The following SAMD4B variants were observed in gnomAD, a reference collection of about 807,000 sequenced individuals.
The protein encoded by SAMD4B is protein Smaug homolog 2.
A neutral mutation model predicts 74.5 loss-of-function variants in SAMD4B; 5 were observed. The observed-to-expected ratio is 0.07, with a 90% CI of 0.04 to 0.14. The LOEUF is 0.14. SAMD4B is among the 10% of genes least tolerant of loss of function. SAMD4B has a pLI of 1.00. For synonymous variants in SAMD4B, 373 were observed against 374.9 expected (o/e 1.00, Z 0.06); for missense variants, 608 against 921.8 (o/e 0.66, Z 4.41).
At chr19:39,357,115 A>T (rs746754960) in intron 3 of SAMD4B, 26 bp downstream of exon 3, 1 of 1,575,602 alleles carries the variant, frequency 6.3e-7, no homozygotes, top group South Asian at 1.1e-5. Context: ...TAGAGATGGG[A>T]GCACAGCAGG....
downstream of SAMD4B, chr19:39,389,768 G>A (rs1189194864): frequency 3.1e-6 from 5 of 1,614,032 alleles, no homozygotes; most frequent in Non-Finnish European, 3.4e-6. The surrounding 1 kb of genome is among the most constrained non-coding windows in gnomAD (Gnocchi z 5.3). Context: ...GAACCTGGGT[G>A]GGGAAACACC....
downstream of SAMD4B, chr19:39,390,018 C>T (rs1247009781): frequency 1.4e-6 from 2 of 1,449,554 alleles, no homozygotes; most frequent in Middle Eastern, 1.7e-4. Context: ...CAAGCAGTCC[C>T]TGCCTTCAAG....
intron 2 of SAMD4B, among the ~76,000 whole-genome samples, chr19:39,354,975 C>T (rs1333933695): frequency 2.6e-5 from 4 of 152,178 alleles, no homozygotes; most frequent in South Asian, 2.1e-4. Flanking sequence ...CAGCTTCAAG[C>T]GATTATCGTC....
Position 39,375,539 on chromosome 19 carries a change from T to A in SAMD4B, c.668-111T>A. The A allele has an allele frequency of 7.1e-7, 1 of 1,408,630 alleles. No individual in the cohort carries two copies. Among genetic ancestry groups the A allele is most frequent in the Non-Finnish European group, 9.7e-7 (1 of 1,030,612 alleles). 87.3% of individuals were successfully genotyped at this position (1,408,630 alleles called of 1,614,324 possible). A position where few individuals can be genotyped will look rare whatever the true frequency, so the allele number is the denominator to read the frequency against. ...TACCCTTGGACCCCAGGTCCCTTCC[T>A]CTTGGCAGGTTATGGGGCCAAACTG... On this transcript the variant is annotated intron_variant, in intron 4 of 13. Transcript: ENST00000610417. This position sits in a 1 kb window ranked among gnomAD's most constrained non-coding sequence, Gnocchi z 4.1.
chr19:39,390,012 C>G (rs993995603), downstream of SAMD4B: 4 of 1,384,262 alleles, frequency 2.9e-6, no homozygotes, highest in East Asian at 9.1e-5. Flanking sequence ...ACGAGACAAG[C>G]AGTCCCTGCC....
At chr19:39,373,349 C>T (rs1049517400) in intron 4 of SAMD4B, among the ~76,000 whole-genome samples, 1 of 152,108 alleles carries the variant, frequency 6.6e-6, no homozygotes, top group African/African-American at 2.4e-5. Context: ...TATGAAACTT[C>T]GTTGGAAGGA....
intron 5 of SAMD4B, 123 bp from the exon 6 acceptor site, chr19:39,376,314 C>A (rs934010393): frequency 2.7e-5 from 20 of 741,978 alleles, no homozygotes; most frequent in African/African-American, 7.0e-5. Flanking sequence ...TTAGCTCCCC[C>A]CAACCCCCTC....
downstream of SAMD4B, among the ~76,000 whole-genome samples, chr19:39,387,983 C>CA (rs1375246495): frequency 6.6e-6 from 1 of 151,784 alleles, no homozygotes; most frequent in Non-Finnish European, 1.5e-5. Flanking sequence ...ATTAAAAATA[C>CA]AAAAAAAATT....
intron 4 of SAMD4B, among the ~76,000 whole-genome samples, chr19:39,370,554 C>G (rs1417487197): frequency 6.6e-6 from 1 of 152,156 alleles, no homozygotes; most frequent in African/African-American, 2.4e-5. Flanking sequence ...TCCCACCAAC[C>G]CCCCTTTGGG....
chr19:39,369,353 G>A, intron 3 of SAMD4B: 1 of 368,630 alleles, frequency 2.7e-6, no homozygotes, highest in Non-Finnish European at 5.0e-6. Context: ...TTTGGAAATG[G>A]AGCAGGTCAA....
chr19:39,388,458 G>A (rs1568373809), downstream of SAMD4B: 7 of 1,614,134 alleles, frequency 4.3e-6, no homozygotes, highest in African/African-American at 1.3e-5. Flanking sequence ...GAGCAATTTT[G>A]TAGTCATACC....
chr19:39,388,556 G>A (rs1444643142), downstream of SAMD4B: 5 of 1,613,206 alleles, frequency 3.1e-6, no homozygotes, highest in African/African-American at 1.3e-5. Context: ...CGCAACCCAC[G>A]CACACATCAT....
intron 1 of SAMD4B, among the ~76,000 whole-genome samples, chr19:39,348,079 A>G (rs754091075): frequency 1.3e-5 from 2 of 152,158 alleles, no homozygotes; most frequent in South Asian, 4.1e-4. Context: ...AACCAGAAAG[A>G]TGAGAAGGCA....
At chr19:39,368,130 C>T (rs2077080569) in intron 3 of SAMD4B, among the ~76,000 whole-genome samples, 1 of 152,038 alleles carries the variant, frequency 6.6e-6, no homozygotes. Context: ...AGTAGAATGG[C>T]ATGAACTCAG....
intron 2 of SAMD4B, among the ~76,000 whole-genome samples, chr19:39,354,605 CAA>C (rs1555718466): frequency 6.6e-6 from 1 of 151,988 alleles, no homozygotes; most frequent in Admixed American, 6.6e-5. Flanking sequence ...TAGAGAGAAA[CAA>C]ATAAGATGAT....
downstream of SAMD4B, chr19:39,389,833 G>A (rs2078334388): frequency 6.9e-6 from 11 of 1,596,944 alleles, no homozygotes; most frequent in Admixed American, 5.0e-5. The surrounding 1 kb of genome is among the most constrained non-coding windows in gnomAD (Gnocchi z 5.3). Context: ...TCCCAGAGGC[G>A]GAGCTTCTCT....
intron 4 of SAMD4B, among the ~76,000 whole-genome samples, chr19:39,374,372 C>T (rs555451165): frequency 2.0e-5 from 3 of 152,202 alleles, no homozygotes; most frequent in African/African-American, 7.2e-5. Flanking sequence ...GTCACCAGGC[C>T]TCATGAGTGG....
chr19:39,371,251 G>A (rs1239484288), intron 4 of SAMD4B, among the ~76,000 whole-genome samples: 1 of 152,228 alleles, frequency 6.6e-6, no homozygotes, highest in African/African-American at 2.4e-5. Flanking sequence ...GTCAGTGGGT[G>A]GGGGTAACCT....
At position 39,375,519 on chromosome 19, in the gene SAMD4B, T is replaced by C; in HGVS notation, c.668-131T>C. On this transcript the variant is annotated intron_variant, in intron 4 of 13. Coordinates refer to ENST00000610417, the MANE Select transcript of SAMD4B (RefSeq NM_001384574.2). This position sits in a 1 kb window ranked among gnomAD's most constrained non-coding sequence, Gnocchi z 4.1. ...AGGTATATCTGGTAGGCAGTTACCC[T>C]TGGACCCCAGGTCCCTTCCTCTTGG... 1 of 1,194,294 alleles carries C rather than the reference T, an allele frequency of 8.4e-7. No individual in the cohort carries two copies. Among genetic ancestry groups the C allele is most frequent in the Non-Finnish European group, 1.2e-6 (1 of 843,084 alleles). 74.0% of individuals were successfully genotyped at this position (1,194,294 alleles called of 1,614,324 possible). A position where few individuals can be genotyped will look rare whatever the true frequency, so the allele number is the denominator to read the frequency against.
Sources: allele counts gnomAD v4.1 joint callset (sites outside exome capture counted in the v4.1 genomes callset), GRCh38; gene constraint gnomAD v4.1.1; non-coding constraint Gnocchi (gnomAD v3.1); transcripts MANE v1.5; gene names NCBI Gene and HGNC (gene_info 2026-07-23, HGNC 2026-07-21).